The following ASAP1 variants were observed in gnomAD, a reference collection of about 807,000 sequenced individuals.
ASAP1 encodes arf-GAP with SH3 domain, ANK repeat and PH domain-containing protein 1.
Under a neutral mutation model 145.2 loss-of-function variants are expected in ASAP1, and 43 were observed. That is an observed-to-expected ratio of 0.30 (90% CI 0.23 to 0.38). The LOEUF (loss-of-function observed/expected upper bound fraction) is 0.38. Ranked by LOEUF, ASAP1 falls within the 10% of genes least tolerant of loss-of-function variation. The pLI is 1.00. For synonymous variants in ASAP1, 546 were observed against 515.5 expected, an observed-to-expected ratio of 1.06 and a Z score of -0.80; for missense variants, 1,018 against 1,355.3, an observed-to-expected ratio of 0.75 and a Z score of 3.91.
At chr8:130,266,883 TTA>T (rs1820279175) in intron 3 of ASAP1, among the ~76,000 whole-genome samples, 1 of 151,568 alleles carries the variant, frequency 6.6e-6, no homozygotes. Context: ...GATGAGAGAA[TTA>T]GTTAACTGGA....
chr8:130,281,882 T>C (rs938493149), intron 3 of ASAP1, among the ~76,000 whole-genome samples: 50 of 151,992 alleles, frequency 3.3e-4, no homozygotes, highest in African/African-American at 1.0e-3. Context: ...CTGGCCAACA[T>C]AGTGAAACCC....
intron 1 of ASAP1, among the ~76,000 whole-genome samples, chr8:130,407,517 G>A (rs969865540): frequency 2.6e-5 from 4 of 152,206 alleles, no homozygotes; most frequent in Admixed American, 2.6e-4. Flanking sequence ...AGGAGTGAGT[G>A]AACAATGTCT....
intron 3 of ASAP1, among the ~76,000 whole-genome samples, chr8:130,253,837 A>G (rs1819351611): frequency 6.6e-6 from 1 of 152,164 alleles, no homozygotes; most frequent in Non-Finnish European, 1.5e-5. Flanking sequence ...CCTGGCCAAC[A>G]TGGTGAAACC....
intron 5 of ASAP1, among the ~76,000 whole-genome samples, chr8:130,213,279 T>C (rs1816696282): frequency 1.3e-5 from 2 of 152,236 alleles, no homozygotes; most frequent in South Asian, 4.1e-4. Context: ...GCTTATTCGC[T>C]GTGTAAGATT....
intron 1 of ASAP1, among the ~76,000 whole-genome samples, chr8:130,428,570 C>T (rs1345062462): frequency 2.1e-5 from 3 of 143,620 alleles, no homozygotes; most frequent in Non-Finnish European, 4.6e-5. Context: ...ATCATCACCA[C>T]CATCATCATC....
intron 1 of ASAP1, among the ~76,000 whole-genome samples, chr8:130,440,064 A>G (rs1369381033): frequency 1.3e-5 from 2 of 151,992 alleles, no homozygotes; most frequent in Non-Finnish European, 2.9e-5. Flanking sequence ...CCTCATTCCA[A>G]TGTAATCTAT....
chr8:130,101,732 AT>A (rs59778799), intron 24 of ASAP1, among the ~76,000 whole-genome samples: 7,122 of 86,880 alleles, frequency 0.082, 527 homozygotes, highest in African/African-American at 0.27. Context: ...CACCTGGTTA[AT>A]TTTTTTTTTT....
intron 25 of ASAP1, chr8:130,084,368 T>C (rs1401684027): frequency 6.6e-6 from 1 of 152,210 alleles, no homozygotes. Flanking sequence ...AGCAAAAATA[T>C]GGAAGCAACT....
intron 1 of ASAP1, among the ~76,000 whole-genome samples, chr8:130,424,682 G>A (rs1418539819): frequency 2.0e-5 from 3 of 152,054 alleles, no homozygotes; most frequent in Non-Finnish European, 4.4e-5. Context: ...CCCAGAGACA[G>A]GTACTGCACT....
chr8:130,180,636 G>T, intron 8 of ASAP1, 115 bp downstream of exon 8: 1 of 1,268,552 alleles, frequency 7.9e-7, no homozygotes, highest in Non-Finnish European at 1.1e-6. Context: ...TTAAGAAACA[G>T]TTTCCTCTCT....
chr8:130,154,672 C>T (rs1238172422), intron 12 of ASAP1, among the ~76,000 whole-genome samples: 2 of 152,182 alleles, frequency 1.3e-5, no homozygotes, highest in Non-Finnish European at 2.9e-5. Flanking sequence ...AAATTTAAAA[C>T]CATCTCTAAA....
chr8:130,309,865 T>C (rs548003916), intron 3 of ASAP1, among the ~76,000 whole-genome samples: 2 of 152,210 alleles, frequency 1.3e-5, no homozygotes, highest in African/African-American at 2.4e-5. Context: ...ACCAAGCAAA[T>C]TTCCTAGGTT....
intron 27 of ASAP1, among the ~76,000 whole-genome samples, chr8:130,067,806 C>T (rs1160183751): frequency 6.6e-6 from 1 of 152,212 alleles, no homozygotes; most frequent in Non-Finnish European, 1.5e-5. Context: ...CACACTGCGG[C>T]ATGTTGTGTA....
intron 13 of ASAP1, among the ~76,000 whole-genome samples, chr8:130,150,834 C>T (rs1286856359): frequency 2.6e-5 from 4 of 152,074 alleles, no homozygotes; most frequent in East Asian, 3.9e-4. Context: ...AAGCCGAGAT[C>T]GTGCTACTGC....
chr8:130,209,140 A>C (rs1199300409), intron 5 of ASAP1, among the ~76,000 whole-genome samples: 1 of 152,198 alleles, frequency 6.6e-6, no homozygotes, highest in Non-Finnish European at 1.5e-5. Flanking sequence ...TCCAGTGTGT[A>C]CAAAGGACTT....
intron 3 of ASAP1, among the ~76,000 whole-genome samples, chr8:130,279,548 GC>G (rs1821131360): frequency 6.6e-6 from 1 of 152,186 alleles, no homozygotes; most frequent in African/African-American, 2.4e-5. Context: ...TGAAACAAGC[GC>G]AGGGTTCAAA....
intron 25 of ASAP1, among the ~76,000 whole-genome samples, chr8:130,088,199 C>T (rs933689080): frequency 2.6e-5 from 4 of 152,262 alleles, no homozygotes; most frequent in South Asian, 2.1e-4. Flanking sequence ...GGTGCAATCT[C>T]GGCTCACCAC....
chr8:130,351,221 T>C (rs1825974656), intron 3 of ASAP1, among the ~76,000 whole-genome samples: 1 of 152,142 alleles, frequency 6.6e-6, no homozygotes, highest in South Asian at 2.1e-4. Flanking sequence ...ACAGGAAGCA[T>C]AAAAGACAGT....
At chr8:130,438,127 A>G (rs1830379434) in intron 1 of ASAP1, among the ~76,000 whole-genome samples, 1 of 152,314 alleles carries the variant, frequency 6.6e-6, no homozygotes, top group Non-Finnish European at 1.5e-5. Flanking sequence ...GTGCCTCTCC[A>G]AAGTGCTTAA....
Sources: allele counts gnomAD v4.1 joint callset (sites outside exome capture counted in the v4.1 genomes callset), GRCh38; gene constraint gnomAD v4.1.1; transcripts MANE v1.5; gene names NCBI Gene and HGNC (gene_info 2026-07-23, HGNC 2026-07-21).